RBFOX1: variants seen among roughly 807,000 people sequenced by gnomAD.
RBFOX1 encodes RNA binding fox-1 homolog 1, also known as RNA binding protein fox-1 homolog 1.
A neutral mutation model predicts 57.7 loss-of-function variants in RBFOX1; 8 were observed. The observed-to-expected ratio is 0.14, with a 90% CI of 0.08 to 0.25. The LOEUF is 0.25. Ranked by LOEUF, RBFOX1 falls within the 10% of genes least tolerant of loss-of-function variation. RBFOX1 has a pLI of 1.00. For synonymous variants in RBFOX1, 326 were observed against 222.4 expected, an observed-to-expected ratio of 1.47 and a Z score of -4.15; for missense variants, 611 against 548.5, an observed-to-expected ratio of 1.11 and a Z score of -1.14.
At chr16:5,468,886 C>T (rs1399646271) in intron 2 of RBFOX1, among the ~76,000 whole-genome samples, 3 of 152,246 alleles carry the variant, frequency 2.0e-5, no homozygotes, top group Admixed American at 6.5e-5. Flanking sequence ...GAGGTCGCTA[C>T]TTCTTCACTT....
intron 3 of RBFOX1, among the ~76,000 whole-genome samples, chr16:5,715,991 C>A (rs529114760): frequency 6.6e-6 from 1 of 152,102 alleles, no homozygotes; most frequent in African/African-American, 2.4e-5. Flanking sequence ...CTCATTTGCT[C>A]CCTATTTCAA....
intron 4 of RBFOX1, among the ~76,000 whole-genome samples, chr16:5,907,299 C>T (rs1216659052): frequency 6.6e-6 from 1 of 151,912 alleles, no homozygotes; most frequent in Non-Finnish European, 1.5e-5. Context: ...GTGCATGCCC[C>T]TGGACCAGGA....
At chr16:6,375,479 T>C (rs189246861) in intron 2 of RBFOX1, among the ~76,000 whole-genome samples, 1 of 152,082 alleles carries the variant, frequency 6.6e-6, no homozygotes, top group South Asian at 2.1e-4. Context: ...TTCTCTAACA[T>C]TTTTAGGCAG....
At chr16:6,270,102 T>C (rs1201570380) in intron 1 of RBFOX1, among the ~76,000 whole-genome samples, 1 of 151,748 alleles carries the variant, frequency 6.6e-6, no homozygotes, top group Non-Finnish European at 1.5e-5. Flanking sequence ...AAACAGACTA[T>C]AGGCAAATTA....
intron 3 of RBFOX1, among the ~76,000 whole-genome samples, chr16:6,837,980 CCATGGCAATACTGGGAAGTTACCACCCCT>C: frequency 6.6e-6 from 1 of 150,892 alleles, no homozygotes; most frequent in Non-Finnish European, 1.5e-5. Flanking sequence ...CCACCCCTTT[CCATGGCAATACTGGGAAGTTACCACCCCT>C]TTTTTTTTTT....
chr16:5,772,663 G>A (rs1030282596), intron 3 of RBFOX1, among the ~76,000 whole-genome samples: 1 of 152,216 alleles, frequency 6.6e-6, no homozygotes, highest in Admixed American at 6.6e-5. Context: ...CAGGCAGCTA[G>A]AGGGGAGATA....
intron 2 of RBFOX1, among the ~76,000 whole-genome samples, chr16:6,580,826 C>T (rs1453341785): frequency 6.6e-6 from 1 of 151,994 alleles, no homozygotes; most frequent in African/African-American, 2.4e-5. Flanking sequence ...GACTAAGACC[C>T]TCAAAACATG....
chr16:5,331,882 G>A (rs2064767188), intron 1 of RBFOX1, among the ~76,000 whole-genome samples: 1 of 152,246 alleles, frequency 6.6e-6, no homozygotes, highest in Admixed American at 6.5e-5. Context: ...AGTGGGGTCT[G>A]CATGTTCTTC....
chr16:6,792,378 T>C (rs4786935), intron 3 of RBFOX1, among the ~76,000 whole-genome samples: 56,755 of 152,068 alleles, frequency 0.37, 11,745 homozygotes, highest in East Asian at 0.65. Context: ...CATATCTTTA[T>C]GCAGAATTAT....
In RBFOX1 at chr16:6,370,081, G is replaced by A. The variant is rs148383014; in HGVS notation, c.-64+53024G>A. 2.0e-3 allele frequency among the ~76,000 whole-genome samples: 300 copies of A among 152,162 alleles called. 1 individual carries two copies. The highest frequency in any genetic ancestry group is 6.6e-3 in the African/African-American group (276 of 41,532). Reference sequence around the variant, plus strand: ...TTTTTAAGAACACATACGCTGGGCCGGGTGCGGTGGCTTATGCCTGTAATC... The same window carrying A: ...TTTTTAAGAACACATACGCTGGGCCAGGTGCGGTGGCTTATGCCTGTAATC... On this transcript the variant is annotated intron_variant, in intron 2 of 15. Coordinates refer to ENST00000550418, the MANE Select transcript of RBFOX1 (RefSeq NM_018723.4).
intron 3 of RBFOX1, among the ~76,000 whole-genome samples, chr16:5,789,974 C>T (rs967026909): frequency 2.4e-4 from 36 of 152,206 alleles, no homozygotes; most frequent in African/African-American, 8.0e-4. Context: ...CTACACCTCA[C>T]GGGCTTCATG....
At chr16:5,715,936 G>C (rs566741918) in intron 3 of RBFOX1, among the ~76,000 whole-genome samples, 1 of 152,282 alleles carries the variant, frequency 6.6e-6, no homozygotes, top group South Asian at 2.1e-4. Context: ...CAGCATAGTT[G>C]TATTTGTCTA....
chr16:5,676,468 G>C (rs2050171870), intron 3 of RBFOX1, among the ~76,000 whole-genome samples: 2 of 152,172 alleles, frequency 1.3e-5, no homozygotes, highest in Non-Finnish European at 2.9e-5. Context: ...GTGTGACCTT[G>C]AGCAAGTCAC....
Position 6,307,910 on chromosome 16 carries a change from A to G in RBFOX1, c.-126-9085A>G, listed in dbSNP as rs1057229312. 7.5e-4 allele frequency among the ~76,000 whole-genome samples: 110 copies of G among 146,466 alleles called. 1 individual carries two copies. Among genetic ancestry groups the G allele is most frequent in the African/African-American group, 2.6e-3 (104 of 40,364 alleles). On this transcript the variant is annotated intron_variant, in intron 1 of 15. Coordinates refer to ENST00000550418, the MANE Select transcript of RBFOX1 (RefSeq NM_018723.4). ...TTATATATTTATTTGGATTATTTAC[A>G]TATTTTTATAAATTATAATCATATA...
intron 4 of RBFOX1, among the ~76,000 whole-genome samples, chr16:7,141,351 A>G (rs913333841): frequency 6.6e-6 from 1 of 152,220 alleles, no homozygotes; most frequent in Non-Finnish European, 1.5e-5. Context: ...TCTAATGCTG[A>G]CCAAGACAGA....
chr16:5,984,301 T>C (rs1379695577), intron 4 of RBFOX1, among the ~76,000 whole-genome samples: 2 of 150,008 alleles, frequency 1.3e-5, no homozygotes, highest in South Asian at 2.2e-4. Context: ...TCTCTCCATA[T>C]TGGGGCTTAT....
At chr16:6,932,320 T>C (rs2076693640) in intron 3 of RBFOX1, among the ~76,000 whole-genome samples, 4 of 152,080 alleles carry the variant, frequency 2.6e-5, no homozygotes, top group Admixed American at 2.0e-4. Context: ...TTGGCCAAGC[T>C]GGTCTCAAAC....
chr16:6,795,887 C>T (rs569279889), intron 3 of RBFOX1, among the ~76,000 whole-genome samples: 2 of 151,974 alleles, frequency 1.3e-5, no homozygotes, highest in Admixed American at 6.6e-5. Flanking sequence ...CTTCCCTTTC[C>T]TTTTATGTTC....
Position 6,903,115 on chromosome 16 carries a change from G to A in RBFOX1, c.-15-148942G>A, listed in dbSNP as rs117308585. ...TCAAGGGAAACTTCTTGGAGGACGCGATTCTGAAGCCATCATAAGTGACTT... is the reference window on the plus strand; with the variant it reads ...TCAAGGGAAACTTCTTGGAGGACGCAATTCTGAAGCCATCATAAGTGACTT... On this transcript the variant is annotated intron_variant, in intron 3 of 15. Transcript: ENST00000550418. 9.5e-3 allele frequency among the ~76,000 whole-genome samples: 1,454 copies of A among 152,254 alleles called. 12 individuals are homozygous for A. The highest frequency in any genetic ancestry group is 0.015 in the Non-Finnish European group (1,030 of 68,014).
Sources: gnomAD v4.1 joint callset for allele counts (sites outside exome capture counted in the v4.1 genomes callset) on GRCh38, gnomAD v4.1.1 for gene constraint, MANE v1.5 for transcripts, NCBI Gene and HGNC (gene_info 2026-07-23, HGNC 2026-07-21) for gene names.